Variants in MYCBP2 observed in about 807,000 individuals in gnomAD.
The protein encoded by MYCBP2 is E3 ubiquitin-protein ligase MYCBP2.
Under a neutral mutation model 525.3 loss-of-function variants are expected in MYCBP2, and 120 were observed. That is an observed-to-expected ratio of 0.23 (90% CI 0.20 to 0.27). The LOEUF is 0.27. Ranked by LOEUF, MYCBP2 falls within the 10% of genes least tolerant of loss-of-function variation. The pLI, the probability that MYCBP2 is intolerant of heterozygous loss-of-function variation, is 1.00. For synonymous variants in MYCBP2, 1,894 were observed against 1,955.8 expected, an observed-to-expected ratio of 0.97 and a Z score of 0.83; for missense variants, 4,149 against 5,657.1, an observed-to-expected ratio of 0.73 and a Z score of 8.55.
Position 77,326,748 on chromosome 13 carries a change from G to A in MYCBP2, c.28C>T (p.Pro10Ser). Residue 10 changes from proline to serine, a missense_variant, in exon 1 of 83, where the codon CCC becomes TCC. Around this residue, in one of 21 missense-constraint regions of MYCBP2, gnomAD observed 413 missense variants for 451.2 expected, o/e 0.92. Transcript: ENST00000544440. The surrounding 1 kb of genome is among the most constrained non-coding windows in gnomAD (Gnocchi z 4.2). The part of the protein sequence containing the change: MMMCAATAS[P>S]AAASSGLGGD... ...CCGAGCCCCGAGGAGGCGGCGGCGG[G>A]GGAGGCAGTCGCTGCGCACATCATC... 2 of 1,413,050 alleles carry A rather than the reference G, an allele frequency of 1.4e-6. No homozygotes were observed. The highest frequency in any genetic ancestry group is 1.5e-5 in the South Asian group (1 of 66,610). 87.5% of individuals were successfully genotyped at this position (1,413,050 alleles called of 1,614,324 possible). A position where few individuals can be genotyped will look rare whatever the true frequency, so the allele number is the denominator to read the frequency against.
At chr13:77,263,551 T>C (rs2154339566) in intron 10 of MYCBP2, 100 bp downstream of exon 10, 1 of 968,110 alleles carries the variant, frequency 1.0e-6, no homozygotes. Flanking sequence ...AAATAGCTGC[T>C]ACAACATAAG....
At chr13:77,110,242 A>C (rs2048576049) in intron 55 of MYCBP2, 1 of 154,910 alleles carries the variant, frequency 6.5e-6, no homozygotes, top group African/African-American at 2.4e-5. Context: ...ACCCTAAGAA[A>C]AGAATTGCAT....
intron 52 of MYCBP2, chr13:77,129,622 T>G (rs2052381964): frequency 6.5e-6 from 1 of 154,336 alleles, no homozygotes; most frequent in African/African-American, 2.4e-5. Context: ...AAAATGGAAA[T>G]GATATCGATT....
intron 52 of MYCBP2, among the ~76,000 whole-genome samples, chr13:77,132,333 A>G (rs570206059): frequency 4.6e-5 from 7 of 152,278 alleles, no homozygotes; most frequent in Non-Finnish European, 8.8e-5. Context: ...TTAGGTAAAA[A>G]GGAATGAAAT....
rs144565711 is a variant in MYCBP2, at chr13:77,161,924, A to G, written c.6579T>C (p.Leu2193=). The G allele has an allele frequency of 5.9e-5, 95 of 1,608,794 alleles. No homozygotes were observed. In the African/African-American group the frequency reaches 1.1e-3, roughly 18 times the overall value. ...GNELEEDLEI[L]EEAALQVCKT... ...ACAATACCTGCAATGCAGCCTCCTCAAGAATTTCAAGGTCTTCTTCTAATT... is the reference window on the plus strand; with the variant it reads ...ACAATACCTGCAATGCAGCCTCCTCGAGAATTTCAAGGTCTTCTTCTAATT... The change falls in exon 44 of 83, where the codon CTT becomes CTC. Residue 2193 remains leucine (L), a synonymous_variant. Transcript: ENST00000544440.
At chr13:77,064,216 T>C (rs1028758671) in intron 73 of MYCBP2, among the ~76,000 whole-genome samples, 13 of 152,194 alleles carry the variant, frequency 8.5e-5, no homozygotes, top group Admixed American at 3.3e-4. Flanking sequence ...GGGCTCTACA[T>C]TAGGAACAAC....
At chr13:77,266,927 A>AGGTTCAAAT (rs1377694878) in intron 8 of MYCBP2, among the ~76,000 whole-genome samples, 2 of 152,006 alleles carry the variant, frequency 1.3e-5, no homozygotes, top group Non-Finnish European at 2.9e-5. Flanking sequence ...ATATGTAGTA[A>AGGTTCAAAT]GGTTCAAATA....
At chr13:77,201,380 C>A (rs1406316453) in intron 26 of MYCBP2, among the ~76,000 whole-genome samples, 1 of 150,982 alleles carries the variant, frequency 6.6e-6, no homozygotes, top group Non-Finnish European at 1.5e-5. Flanking sequence ...CAGGAGCACC[C>A]AGATTCATAA....
intron 8 of MYCBP2, among the ~76,000 whole-genome samples, chr13:77,264,238 C>T (rs2073758737): frequency 6.6e-6 from 1 of 151,990 alleles, no homozygotes; most frequent in Non-Finnish European, 1.5e-5. Context: ...GAGATCCCAC[C>T]TAATTTCAAA....
At chr13:77,231,683 T>TTA (rs1337341509) in intron 18 of MYCBP2, among the ~76,000 whole-genome samples, 1 of 152,248 alleles carries the variant, frequency 6.6e-6, no homozygotes, top group Non-Finnish European at 1.5e-5. Context: ...GATACTAACA[T>TTA]GGAGCTGAAA....
chr13:77,197,468 G>C (rs569150070), intron 26 of MYCBP2, among the ~76,000 whole-genome samples: 1 of 152,146 alleles, frequency 6.6e-6, no homozygotes, highest in Non-Finnish European at 1.5e-5. Context: ...ATTCAGTTGA[G>C]ATATTATGAC....
intron 55 of MYCBP2, among the ~76,000 whole-genome samples, chr13:77,115,556 A>T (rs1456855299): frequency 1.3e-5 from 2 of 151,898 alleles, no homozygotes; most frequent in Non-Finnish European, 3.0e-5. Context: ...TGCTAATTTA[A>T]AAATTACCAA....
At chr13:77,154,866 C>T (rs1467907301) in intron 46 of MYCBP2, among the ~76,000 whole-genome samples, 4 of 151,722 alleles carry the variant, frequency 2.6e-5, no homozygotes, top group Non-Finnish European at 2.9e-5. Context: ...TAGAATAATT[C>T]CAAGTAGGCA....
At chr13:77,188,685 T>C (rs913353549) in intron 30 of MYCBP2, among the ~76,000 whole-genome samples, 5 of 152,204 alleles carry the variant, frequency 3.3e-5, no homozygotes, top group Non-Finnish European at 7.3e-5. Flanking sequence ...TCATATATGA[T>C]TTACTAGAAA....
chr13:77,069,861 C>T (rs2040871005), intron 69 of MYCBP2, among the ~76,000 whole-genome samples: 1 of 151,428 alleles, frequency 6.6e-6, no homozygotes, highest in African/African-American at 2.4e-5. Context: ...GAGCGAGACT[C>T]CCTCTCGAAA....
Position 77,093,382 on chromosome 13 carries a change from C to T in MYCBP2, c.10200-50G>A, listed in dbSNP as rs1465060234. Reference sequence around the variant, plus strand: ...TTAAAGCATGATGGCAATACAGATCCTCTCCATTTTTAATCTCTTTCATAA... The same window carrying T: ...TTAAAGCATGATGGCAATACAGATCTTCTCCATTTTTAATCTCTTTCATAA... On this transcript the variant is annotated intron_variant, in intron 58 of 82. Coordinates refer to ENST00000544440, the MANE Select transcript of MYCBP2 (RefSeq NM_015057.5). 4.6e-6 allele frequency: 7 copies of T among 1,508,204 alleles called. No individual in the cohort carries two copies. In the South Asian group the frequency reaches 8.5e-5, roughly 18 times the overall value. 93.4% of individuals were successfully genotyped at this position (1,508,204 alleles called of 1,614,324 possible).
chr13:77,087,877 C>A, intron 61 of MYCBP2: 1 of 295,484 alleles, frequency 3.4e-6, no homozygotes, highest in Admixed American at 4.6e-5. Context: ...AGCACCCAGG[C>A]ACAAATGATC....
chr13:77,210,538 CT>C (rs1289899883), intron 23 of MYCBP2, among the ~76,000 whole-genome samples: 9 of 152,180 alleles, frequency 5.9e-5, no homozygotes, highest in African/African-American at 1.9e-4. Flanking sequence ...TTTCTTGAGT[CT>C]CTTTTGTGCC....
intron 39 of MYCBP2, among the ~76,000 whole-genome samples, chr13:77,169,149 C>T (rs2058851180): frequency 6.6e-6 from 1 of 152,198 alleles, no homozygotes; most frequent in Non-Finnish European, 1.5e-5. Flanking sequence ...TGGCTCACGC[C>T]TGTAATCCCA....
Sources: allele counts gnomAD v4.1 joint callset (sites outside exome capture counted in the v4.1 genomes callset), GRCh38; gene constraint gnomAD v4.1.1; regional missense constraint gnomAD v4.1.1; non-coding constraint Gnocchi (gnomAD v3.1); transcripts MANE v1.5; gene names NCBI Gene and HGNC (gene_info 2026-07-23, HGNC 2026-07-21).